The following WDR93 variants were observed in gnomAD, a reference collection of about 807,000 sequenced individuals.
WDR93 encodes the protein WD repeat domain 93.
In WDR93, 73 loss-of-function variants were observed where a neutral mutation model predicts 82.9. The observed-to-expected ratio is 0.88, with a 90% confidence interval of 0.73 to 1.07. The LOEUF is 1.07. Ranked by LOEUF, WDR93 falls within the 50% of genes least tolerant of loss-of-function variation. WDR93 has a pLI of 0.00. For missense variants in WDR93, 738 were observed against 826.0 expected (o/e 0.89, Z 1.31); for synonymous variants, 283 against 300.1 (o/e 0.94, Z 0.59).
chr15:89,703,755 G>C (rs1420591271), intron 3 of WDR93: 1 of 153,472 alleles, frequency 6.5e-6, no homozygotes, highest in Non-Finnish European at 1.4e-5. Flanking sequence ...CTGGAAGTGA[G>C]TGAGGTGGCT....
chr15:89,699,092 G>T (rs1030177033), intron 1 of WDR93, among the ~76,000 whole-genome samples: 5 of 151,944 alleles, frequency 3.3e-5, no homozygotes, highest in Non-Finnish European at 7.4e-5. Context: ...GAACTTTAGG[G>T]CTCAAGTGAT....
At chr15:89,716,218 G>A (rs1966245570) in intron 6 of WDR93, among the ~76,000 whole-genome samples, 1 of 152,138 alleles carries the variant, frequency 6.6e-6, no homozygotes, top group Admixed American at 6.6e-5. Flanking sequence ...AGCTATTACA[G>A]AATGTTATTA....
intron 1 of WDR93, among the ~76,000 whole-genome samples, chr15:89,698,119 C>T (rs901560253): frequency 5.9e-5 from 9 of 151,854 alleles, no homozygotes; most frequent in African/African-American, 1.9e-4. Context: ...CTTCTGACCT[C>T]GTGATCCGCC....
intron 7 of WDR93, 35 bp downstream of exon 7, chr15:89,716,984 TAA>T: frequency 1.5e-6 from 2 of 1,298,020 alleles, no homozygotes; most frequent in Non-Finnish European, 2.1e-6. Flanking sequence ...CAGAGAGACT[TAA>T]GTTTGTATTT....
At chr15:89,715,244 T>C in intron 6 of WDR93, 149 bp downstream of exon 6, 1 of 645,156 alleles carries the variant, frequency 1.6e-6, no homozygotes, top group East Asian at 2.8e-5. Flanking sequence ...CAAGTCAATT[T>C]CCTTTGGTTA....
intron 13 of WDR93, among the ~76,000 whole-genome samples, chr15:89,734,287 C>G (rs898491237): frequency 1.8e-4 from 27 of 152,206 alleles, no homozygotes; most frequent in African/African-American, 6.5e-4. Flanking sequence ...GTTTCTTCTA[C>G]TGGTCTCACC....
intron 7 of WDR93, among the ~76,000 whole-genome samples, chr15:89,718,815 A>G (rs544429604): frequency 6.6e-5 from 10 of 152,172 alleles, no homozygotes; most frequent in Admixed American, 2.0e-4. Flanking sequence ...GGGTTTCACT[A>G]TGTTGGCCAG....
rs746924281 is a variant in WDR93, at chr15:89,738,070, G to A, written c.1795G>A (p.Asp599Asn). ...GDYSHETAST[D>N]DAGIQYSVFY... Reference sequence around the variant, plus strand: ...CTATTCACATGAAACTGCGTCCACCGACGATGCTGGAATCCAATATTCTGT... The same window carrying A: ...CTATTCACATGAAACTGCGTCCACCAACGATGCTGGAATCCAATATTCTGT... Residue 599 changes from aspartate (D) to asparagine (N), a missense_variant, in exon 16 of 17, where the codon GAC (aspartate) becomes AAC (asparagine). By Grantham distance (23) the Asp-to-Asn change is conservative. Transcript: ENST00000268130. The A allele has an allele frequency of 3.8e-5, 61 of 1,613,098 alleles. No homozygotes were observed. The highest frequency in any genetic ancestry group is 1.6e-4 in the Middle Eastern group (1 of 6,080).
chr15:89,718,436 T>C (rs1966360999), intron 7 of WDR93, among the ~76,000 whole-genome samples: 1 of 151,516 alleles, frequency 6.6e-6, no homozygotes, highest in African/African-American at 2.4e-5. Context: ...ATCACACCAC[T>C]GCACTCCAGC....
chr15:89,715,163 C>T, intron 6 of WDR93, 68 bp downstream of exon 6: 1 of 1,418,878 alleles, frequency 7.0e-7, no homozygotes, highest in Non-Finnish European at 9.7e-7. Context: ...AGCCCAAGTC[C>T]TTGGAAACTT....
chr15:89,703,272 T>C, intron 3 of WDR93, 130 bp downstream of exon 3: 1 of 938,896 alleles, frequency 1.1e-6, no homozygotes, highest in East Asian at 2.4e-5. Flanking sequence ...ATAGTAACTA[T>C]ATGTACAGAA....
chr15:89,705,662 G>C, intron 4 of WDR93, 44 bp downstream of exon 4: 1 of 1,260,208 alleles, frequency 7.9e-7, no homozygotes, highest in Non-Finnish European at 1.2e-6. Context: ...AAAAGCTGTA[G>C]CAAATTAAGT....
intron 1 of WDR93, among the ~76,000 whole-genome samples, chr15:89,700,410 G>A (rs908002634): frequency 2.6e-5 from 4 of 152,014 alleles, no homozygotes; most frequent in African/African-American, 9.7e-5. Flanking sequence ...GCTTTTATGA[G>A]ACTTCATGGA....
chr15:89,692,712 C>T (rs1208393017), intron 1 of WDR93, among the ~76,000 whole-genome samples: 1 of 152,186 alleles, frequency 6.6e-6, no homozygotes, highest in Non-Finnish European at 1.5e-5. Flanking sequence ...CGGGTTCAAG[C>T]GATTCTCCTG....
intron 13 of WDR93, 23 bp downstream of exon 13, chr15:89,733,242 G>T: frequency 1.9e-6 from 3 of 1,601,660 alleles, no homozygotes; most frequent in South Asian, 1.1e-5. Context: ...AGGGTGGGAC[G>T]GGGTAAATAA....
rs1466672211 is a variant in WDR93, at chr15:89,733,049, C to T, written c.1374C>T (p.Cys458=). The T allele has an allele frequency of 1.2e-6, 2 of 1,614,186 alleles. No individual in the cohort carries two copies. The highest frequency in any genetic ancestry group is 1.7e-5 in the Admixed American group (1 of 60,018). The part of the protein sequence containing the change: ...GVAALPQGCF[C]QSIHFLKYFS... Reference sequence around the variant, plus strand: ...CTGCTCTTCCTCAGGGATGTTTCTGCCAAAGCATTCACTTCCTAAAATATT... The same window carrying T: ...CTGCTCTTCCTCAGGGATGTTTCTGTCAAAGCATTCACTTCCTAAAATATT... The change falls in exon 13 of 17, where the codon TGC becomes TGT. Residue 458 remains cysteine (C), a synonymous_variant. Transcript: ENST00000268130.
At chr15:89,706,049 C>T (rs1390772157) in intron 4 of WDR93, among the ~76,000 whole-genome samples, 1 of 152,168 alleles carries the variant, frequency 6.6e-6, no homozygotes, top group African/African-American at 2.4e-5. Flanking sequence ...AATATCTCCT[C>T]TAAGATACTT....
chr15:89,703,292 T>G (rs1342846569), intron 3 of WDR93, 150 bp downstream of exon 3: 1 of 789,228 alleles, frequency 1.3e-6, no homozygotes, highest in Non-Finnish European at 2.1e-6. Context: ...ACAGGTATGG[T>G]GGGTCAGATA....
chr15:89,709,492 C>T (rs1417828942), intron 4 of WDR93, among the ~76,000 whole-genome samples: 1 of 151,314 alleles, frequency 6.6e-6, no homozygotes, highest in African/African-American at 2.4e-5. Flanking sequence ...GGAGAAAATA[C>T]CTGTTTTATA....
Sources: allele counts gnomAD v4.1 joint callset (sites outside exome capture counted in the v4.1 genomes callset), GRCh38; gene constraint gnomAD v4.1.1; transcripts MANE v1.5; gene names NCBI Gene and HGNC (gene_info 2026-07-23, HGNC 2026-07-21).